SCAI: variants seen among roughly 807,000 people sequenced by gnomAD.
SCAI encodes the protein suppressor of cancer cell invasion, also known as protein SCAI.
SCAI carries 24 observed loss-of-function variants against 92.2 expected under a neutral mutation model. That is an observed-to-expected ratio of 0.26 (90% CI 0.19 to 0.37). SCAI has a LOEUF of 0.37. Ranked by LOEUF, SCAI falls within the 10% of genes least tolerant of loss-of-function variation. The pLI, the probability that SCAI is intolerant of heterozygous loss-of-function variation, is 1.00. For missense variants in SCAI, 450 were observed against 736.2 expected (o/e 0.61, Z 4.50); for synonymous variants, 261 against 258.6 (o/e 1.01, Z -0.09).
chr9:124,997,734 G>A (rs1588141066), intron 13 of SCAI, among the ~76,000 whole-genome samples: 2 of 151,936 alleles, frequency 1.3e-5, no homozygotes, highest in Admixed American at 6.6e-5. Flanking sequence ...AAATTAGCTG[G>A]GTGTGGTGAT....
chr9:125,054,728 CT>C (rs1233063266), intron 3 of SCAI, among the ~76,000 whole-genome samples: 1 of 152,208 alleles, frequency 6.6e-6, no homozygotes. Context: ...AACATCTCCT[CT>C]GCAGCATAAA....
At chr9:125,003,784 A>G in intron 9 of SCAI, 1 of 511,266 alleles carries the variant, frequency 2.0e-6, no homozygotes, top group South Asian at 2.8e-5. Flanking sequence ...ATCCTATAAT[A>G]AGCATTTTTT....
chr9:125,140,503 G>A (rs948931347), intron 2 of SCAI, among the ~76,000 whole-genome samples: 15 of 152,064 alleles, frequency 9.9e-5, no homozygotes, highest in African/African-American at 3.4e-4. Context: ...ACTCCAGTAC[G>A]GGCAACAAAG....
rs1172921789 is a variant in SCAI at position 124,947,288 on chromosome 9, A to T, written c.*5519T>A. 3 of 152,232 alleles carry T rather than the reference A, an allele frequency of 2.0e-5. No homozygotes were observed. Among genetic ancestry groups the T allele is most frequent in the African/African-American group, 4.8e-5 (2 of 41,464 alleles). The allele number at this position is 152,232 out of a possible 1,614,324, so 9.4% of individuals were successfully genotyped here. On this transcript the variant is annotated 3_prime_UTR_variant, in exon 18 of 18. Transcript: ENST00000336505. ...AGAAAATAAAGGACTACTACAGCCT[A>T]AGAATCTGCTGGTGTCTCAGTTTCA...
intron 2 of SCAI, among the ~76,000 whole-genome samples, chr9:125,134,559 G>A (rs1835477626): frequency 6.6e-6 from 1 of 152,172 alleles, no homozygotes; most frequent in South Asian, 2.1e-4. Flanking sequence ...CCAAACAAAT[G>A]GATCTTGTTC....
intron 2 of SCAI, among the ~76,000 whole-genome samples, chr9:125,121,900 A>G (rs955226771): frequency 3.7e-4 from 56 of 152,204 alleles, no homozygotes; most frequent in African/African-American, 1.4e-3. Context: ...TGCTATGAAC[A>G]TCTATATGAC....
In SCAI at chr9:125,106,096, C is replaced by CACA. The variant is rs1299930738; in HGVS notation, c.98+36536_98+36537insTGT. On this transcript the variant is annotated intron_variant, in intron 2 of 17. Transcript: ENST00000336505. The stretch of plus-strand genomic sequence containing the variant: ...TGCGTGACAGAGTGAGACTCCATCT[C>CACA]AAAAAAAAAAAAAAAAAAAAAAAAA... Among the ~76,000 whole-genome samples, 2 of 18,776 alleles carry CACA rather than the reference C, an allele frequency of 1.1e-4. 1 individual carries two copies. Among genetic ancestry groups the CACA allele is most frequent in the Non-Finnish European group, 1.7e-4 (2 of 11,850 alleles). 12.3% of individuals were successfully genotyped at this position (18,776 alleles called of 152,430 possible). A position where few individuals can be genotyped will look rare whatever the true frequency, so the allele number is the denominator to read the frequency against.
At chr9:125,031,227 T>G (rs895948480) in intron 3 of SCAI, among the ~76,000 whole-genome samples, 2 of 151,750 alleles carry the variant, frequency 1.3e-5, no homozygotes, top group Non-Finnish European at 2.9e-5. Context: ...TTATAAAGAG[T>G]CAACTACATT....
In SCAI at chr9:125,128,330, G is replaced by A. The variant is rs541797629; in HGVS notation, c.98+14303C>T. On this transcript the variant is annotated intron_variant, in intron 2 of 17. Transcript: ENST00000336505. ...GACCCCCTTCTCTAAAATGTATACG[G>A]GTAATTTGGCCGGGTGCGGTGGCCC... is the stretch of plus-strand genomic sequence containing the variant. Among the ~76,000 whole-genome samples the A allele has an allele frequency of 1.9e-4, 29 of 151,480 alleles. No homozygotes were observed. The South Asian group carries it at 5.9e-3, about 31-fold the overall frequency.
At chr9:125,000,305 GA>G in intron 12 of SCAI, among the ~76,000 whole-genome samples, 1 of 152,180 alleles carries the variant, frequency 6.6e-6, no homozygotes, top group East Asian at 1.9e-4. Flanking sequence ...TGTTCAAAAT[GA>G]CCTTTACATT....
In SCAI at chr9:125,045,884, C is replaced by A. The variant is rs75341844; in HGVS notation, c.230+9992G>T. ...ATATCTTTTTAATTTTCTCTCTATA[C>A]CCCTCCTGAAGAATCTTAAAAACTA... On this transcript the variant is annotated intron_variant, in intron 3 of 17. Transcript: ENST00000336505. 6.1e-3 allele frequency among the ~76,000 whole-genome samples: 920 copies of A among 151,914 alleles called. 10 individuals are homozygous for A. Among genetic ancestry groups the A allele is most frequent in the East Asian group, 0.035 (178 of 5,140 alleles).
intron 2 of SCAI, among the ~76,000 whole-genome samples, chr9:125,087,146 A>G (rs1588209804): frequency 6.6e-6 from 1 of 152,228 alleles, no homozygotes; most frequent in East Asian, 1.9e-4. Context: ...TTCACCTCCC[A>G]TAGATGCAGG....
chr9:125,066,456 A>T (rs1294358230), intron 2 of SCAI, among the ~76,000 whole-genome samples: 27 of 121,546 alleles, frequency 2.2e-4, no homozygotes, highest in African/African-American at 8.2e-4. Context: ...TATTTTATTT[A>T]TTTATTTATT....
intron 2 of SCAI, among the ~76,000 whole-genome samples, chr9:125,063,365 A>C (rs1027310639): frequency 1.3e-5 from 2 of 150,994 alleles, no homozygotes; most frequent in Admixed American, 6.6e-5. Context: ...TGACAGAGTG[A>C]GAATCAATCT....
At chr9:125,124,736 A>G (rs754694027) in intron 2 of SCAI, among the ~76,000 whole-genome samples, 9 of 152,254 alleles carry the variant, frequency 5.9e-5, no homozygotes, top group Admixed American at 2.0e-4. Context: ...TCAGTGGCCC[A>G]GTCAAGTTGA....
chr9:125,121,652 A>G (rs1486054190), intron 2 of SCAI, among the ~76,000 whole-genome samples: 2 of 152,074 alleles, frequency 1.3e-5, no homozygotes, highest in African/African-American at 4.8e-5. Flanking sequence ...GGAGTTTGAG[A>G]CCAGCCTGGC....
At chr9:125,033,503 A>G (rs72765251) in intron 3 of SCAI, among the ~76,000 whole-genome samples, 10 of 152,324 alleles carry the variant, frequency 6.6e-5, no homozygotes, top group Non-Finnish European at 1.3e-4. Flanking sequence ...AAGGTACAAC[A>G]GGTAGGCTGG....
chr9:124,996,542 A>G (rs1832242639), intron 13 of SCAI, among the ~76,000 whole-genome samples: 1 of 152,080 alleles, frequency 6.6e-6, no homozygotes, highest in South Asian at 2.1e-4. Flanking sequence ...AACTCAAGCA[A>G]TCTTCCCATC....
At chr9:125,074,254 A>C (rs1333589443) in intron 2 of SCAI, among the ~76,000 whole-genome samples, 3 of 122,684 alleles carry the variant, frequency 2.4e-5, no homozygotes, top group African/African-American at 8.7e-5. Flanking sequence ...GCGAGACTCC[A>C]TATCAAAAAA....
Sources: allele counts gnomAD v4.1 joint callset (sites outside exome capture counted in the v4.1 genomes callset), GRCh38; gene constraint gnomAD v4.1.1; transcripts MANE v1.5; gene names NCBI Gene and HGNC (gene_info 2026-07-23, HGNC 2026-07-21).